ABCA6: variants seen among roughly 807,000 people sequenced by gnomAD.
ABCA6 encodes the protein ATP binding cassette subfamily A member 6.
In ABCA6, 164 loss-of-function variants were observed where a neutral mutation model predicts 191.2. The observed-to-expected ratio is 0.86, with a 90% CI of 0.76 to 0.98. ABCA6 has a LOEUF of 0.98. Among genes scored for constraint, ABCA6 ranks in the 50% least tolerant of loss-of-function variants. The pLI is 0.00. For missense variants in ABCA6, 1,958 were observed against 1,894.1 expected (o/e 1.03, Z -0.63); for synonymous variants, 636 against 647.7 (o/e 0.98, Z 0.27).
intron 4 of ABCA6, chr17:69,135,742 T>C: frequency 2.6e-6 from 1 of 385,740 alleles, no homozygotes; most frequent in East Asian, 3.9e-5. Flanking sequence ...ACCCCTGGTC[T>C]AAGTGCCCAT....
chr17:69,083,461 G>A, intron 34 of ABCA6, 130 bp from the exon 35 acceptor site: 1 of 822,954 alleles, frequency 1.2e-6, no homozygotes. Flanking sequence ...TACTGACTAG[G>A]TTTTTGATAA....
Position 69,123,400 on chromosome 17 carries a change from A to C in ABCA6, c.1275T>G (p.Asp425Glu), listed in dbSNP as rs1156348906. ...LYFDKILPYG[D>E]ERHYSPLFFL... ...AAAATAAAGGAGAATAATGGCGCTC[A>C]TCTCCATCTAATTAACCAAGAGGCA... Residue 425 changes from aspartate (D) to glutamate (E), a missense_variant, in exon 10 of 39, where the codon GAT (aspartate) becomes GAG (glutamate). Transcript: ENST00000284425. The C allele has an allele frequency of 6.7e-7, 1 of 1,482,088 alleles. No homozygotes were observed. The allele number at this position is 1,482,088 out of a possible 1,614,324, so 91.8% of individuals were successfully genotyped here.
At chr17:69,087,232 C>G (rs187398134) in intron 29 of ABCA6, 121 bp downstream of exon 29, 1 of 1,260,274 alleles carries the variant, frequency 7.9e-7, no homozygotes, top group African/African-American at 1.5e-5. Context: ...GTGTCCTGGA[C>G]GCATAATACA....
chr17:69,082,017 C>T (rs1365574130), intron 36 of ABCA6, among the ~76,000 whole-genome samples: 1 of 152,126 alleles, frequency 6.6e-6, no homozygotes. Context: ...CCAGGTGGCA[C>T]TAAGGTTGAC....
intron 17 of ABCA6, 82 bp downstream of exon 17, chr17:69,110,719 C>T: frequency 6.9e-7 from 1 of 1,459,368 alleles, no homozygotes; most frequent in Non-Finnish European, 9.1e-7. Context: ...AGTCTAAATT[C>T]ATTGGACAAA....
chr17:69,088,449 T>A (rs1023752324), intron 27 of ABCA6, among the ~76,000 whole-genome samples, 191 bp from the exon 28 acceptor site: 1 of 152,166 alleles, frequency 6.6e-6, no homozygotes, highest in East Asian at 1.9e-4. Context: ...TCGCCACCCA[T>A]ATTCAGTTTG....
rs763733392 is a variant in ABCA6 at position 69,085,636 on chromosome 17, T to C, written c.4018A>G (p.Thr1340Ala). The change falls in exon 31 of 39, where the codon ACT becomes GCT. Residue 1340 changes from threonine (T) to alanine (A), a missense_variant. Physicochemically the swap from Thr to Ala is moderately conservative, Grantham distance 58 (BLOSUM62 0). Coordinates refer to ENST00000284425, the MANE Select transcript of ABCA6 (RefSeq NM_080284.3). ...CATTTCCTCACTACCTCTCCAGCAGTTGGCTTTGTGATCCCAGATATCATT... is the reference window on the plus strand; with the variant it reads ...CATTTCCTCACTACCTCTCCAGCAGCTGGCTTTGTGATCCCAGATATCATT... The part of the protein sequence containing the change: ...IRMISGITKP[T>A]AGEVELKGCS... 2.5e-6 allele frequency: 4 copies of C among 1,611,570 alleles called. No homozygotes were observed. The highest frequency in any genetic ancestry group is 2.5e-6 in the Non-Finnish European group (3 of 1,178,412).
In ABCA6 at chr17:69,105,582, T is replaced by C. The variant is rs1285608464; in HGVS notation, c.2620A>G (p.Ile874Val). Residue 874 changes from isoleucine to valine, a missense_variant, in exon 20 of 39, where the codon ATA (isoleucine) becomes GTA (valine). Physicochemically the swap from Ile to Val is conservative, Grantham distance 29. Transcript: ENST00000284425. ...IAIFPLIVEN[I>V]MYAMLNEKID... is the part of the protein sequence containing the mutation. ...TTTTCATTTAACATAGCATACATTA[T>C]ATTTTCAACAATCAAAGGGAATATT... The C allele has an allele frequency of 6.5e-7, 1 of 1,550,152 alleles. No individual in the cohort carries two copies. The highest frequency in any genetic ancestry group is 1.7e-5 in the Admixed American group (1 of 58,202).
intron 25 of ABCA6, among the ~76,000 whole-genome samples, chr17:69,093,949 T>G (rs2072990501): frequency 6.6e-6 from 1 of 152,236 alleles, no homozygotes; most frequent in Non-Finnish European, 1.5e-5. Flanking sequence ...TTGAACAGTC[T>G]TTGTTTTCCA....
Position 69,113,367 on chromosome 17 carries a change from A to C in ABCA6, c.1903-7T>G. On this transcript the variant is annotated splice_polypyrimidine_tract_variant and splice_region_variant and intron_variant, in intron 14 of 38. Coordinates refer to ENST00000284425, the MANE Select transcript of ABCA6 (RefSeq NM_080284.3). ...GTTCATCTAAAAGCAAAATCTACAGAGAATGAAGATATATAAAATATGTCT... is the reference window on the plus strand; with the variant it reads ...GTTCATCTAAAAGCAAAATCTACAGCGAATGAAGATATATAAAATATGTCT... 1 of 1,587,238 alleles carries C rather than the reference A, an allele frequency of 6.3e-7. No homozygotes were observed. The highest frequency in any genetic ancestry group is 8.5e-7 in the Non-Finnish European group (1 of 1,173,034).
intron 17 of ABCA6, chr17:69,109,046 A>T (rs758168270): frequency 6.6e-6 from 1 of 152,176 alleles, no homozygotes; most frequent in Non-Finnish European, 1.5e-5. Flanking sequence ...TGAGAAGAAC[A>T]CCATCTTCTA....
rs1417196446 is a variant in ABCA6 at position 69,083,201 on chromosome 17, G to A, written c.4475+11C>T. 1.3e-6 allele frequency: 2 copies of A among 1,582,574 alleles called. No homozygotes were observed. Among genetic ancestry groups the A allele is most frequent in the African/African-American group, 1.4e-5 (1 of 73,062 alleles). On this transcript the variant is annotated intron_variant, in intron 35 of 38. Coordinates refer to ENST00000284425, the MANE Select transcript of ABCA6 (RefSeq NM_080284.3). ...TTGAGCATCAAATGCAGGCTTCGGA[G>A]AGACACCCACCTAAGCCTTCCAGAC...
Position 69,134,633 on chromosome 17 carries a change from A to T in ABCA6, c.564+6T>A, listed in dbSNP as rs905012548. 1.3e-6 allele frequency: 2 copies of T among 1,597,426 alleles called. No homozygotes were observed. The highest frequency in any genetic ancestry group is 1.7e-6 in the Non-Finnish European group (2 of 1,169,356). Reference sequence around the variant, plus strand: ...AATTAGTAGAACTTTTCAATCAAGCACTTACTTCTATAATGGCAGTATTAA... The same window carrying T: ...AATTAGTAGAACTTTTCAATCAAGCTCTTACTTCTATAATGGCAGTATTAA... On this transcript the variant is annotated splice_donor_region_variant and intron_variant, in intron 5 of 38. Transcript: ENST00000284425.
In ABCA6 at chr17:69,114,931, A is replaced by G. The variant is rs1032478829; in HGVS notation, c.1613T>C (p.Val538Ala). 6.2e-7 allele frequency: 1 copy of G among 1,604,268 alleles called. No homozygotes were observed. Among genetic ancestry groups the G allele is most frequent in the Admixed American group, 1.7e-5 (1 of 58,950 alleles). ...NGLSVPTEGS[V>A]TIYNKNLSEM... ...AGAGAGATTTTTATTATAGATGGTA[A>G]CTGATCCTAAGAATAGAAGTTAAAA... Residue 538 changes from valine to alanine, a missense_variant, in exon 13 of 39, where the codon GTT becomes GCT. Physicochemically the swap from Val to Ala is moderately conservative, Grantham distance 64 (BLOSUM62 0). Transcript: ENST00000284425.
At chr17:69,124,826 A>T in intron 9 of ABCA6, 62 bp downstream of exon 9, 4 of 956,832 alleles carry the variant, frequency 4.2e-6, no homozygotes, top group Non-Finnish European at 5.9e-6. Context: ...ATATAATCTT[A>T]AAAAATATAT....
chr17:69,086,621 CT>C lies in ABCA6; in HGVS notation c.3933del (p.Glu1312LysfsTer8), dbSNP rs1397399432. The C allele has an allele frequency of 6.2e-7, 1 of 1,605,676 alleles. No homozygotes were observed. The highest frequency in any genetic ancestry group is 8.5e-7 in the Non-Finnish European group (1 of 1,173,474). ...TTTAAAAGGGATTATTACAGACCTT[CT>C]TGAACACAGAAAGAGATATTTCTTG... ...IAARNISFCVQEGEILGLLGP... is the reference protein window; with the variant it reads ...IAARNISFCVXEGEILGLLGP... On this transcript the variant is annotated frameshift_variant, in exon 30 of 39. Coordinates refer to ENST00000284425, the MANE Select transcript of ABCA6 (RefSeq NM_080284.3). LOFTEE classifies it high-confidence loss of function.
intron 20 of ABCA6, chr17:69,103,945 T>C (rs1422490347): frequency 1.3e-5 from 1 of 79,292 alleles, no homozygotes; most frequent in African/African-American, 4.3e-5. Context: ...TGGGAGTTTA[T>C]AGTGGGCTCT....
At chr17:69,107,339 T>C (rs1380058231) in intron 18 of ABCA6, among the ~76,000 whole-genome samples, 1 of 152,198 alleles carries the variant, frequency 6.6e-6, no homozygotes, top group Non-Finnish European at 1.5e-5. Flanking sequence ...CCACTAAGAC[T>C]TTAGTGGAAT....
intron 25 of ABCA6, among the ~76,000 whole-genome samples, chr17:69,092,332 A>G (rs576701396): frequency 4.6e-5 from 7 of 152,322 alleles, no homozygotes; most frequent in African/African-American, 1.7e-4. Flanking sequence ...TCACAACTCC[A>G]TAATGTAGTA....
Sources: gnomAD v4.1 joint callset for allele counts (sites outside exome capture counted in the v4.1 genomes callset) on GRCh38, gnomAD v4.1.1 for gene constraint, MANE v1.5 for transcripts, NCBI Gene and HGNC (gene_info 2026-07-23, HGNC 2026-07-21) for gene names.